EXOC4: variants seen among roughly 807,000 people sequenced by gnomAD.
EXOC4 encodes the protein SEC8-like 1.
Under a neutral mutation model 107.2 loss-of-function variants are expected in EXOC4, and 71 were observed. That is an observed-to-expected ratio of 0.66 (90% CI 0.55 to 0.81). The LOEUF is 0.81. EXOC4 is among the 30% of genes least tolerant of loss of function. The pLI is 0.00. For missense variants in EXOC4, 1,108 were observed against 1,189.6 expected, an observed-to-expected ratio of 0.93 and a Z score of 1.01; for synonymous variants, 456 against 441.2, an observed-to-expected ratio of 1.03 and a Z score of -0.42.
chr7:133,630,200 T>G, intron 10 of EXOC4, 59 bp downstream of exon 10: 8 of 1,315,788 alleles, frequency 6.1e-6, no homozygotes, highest in Non-Finnish European at 8.7e-6. Flanking sequence ...TTTATGCTGG[T>G]CTACTGAATG....
intron 9 of EXOC4, chr7:133,484,157 T>C (rs2150865616): frequency 6.2e-7 from 1 of 1,606,788 alleles, no homozygotes; most frequent in South Asian, 1.1e-5. Flanking sequence ...GAAATGTGAC[T>C]CAGTCTAACA....
chr7:134,008,772 G>A (rs1794702686), intron 17 of EXOC4, among the ~76,000 whole-genome samples: 1 of 149,090 alleles, frequency 6.7e-6, no homozygotes, highest in Non-Finnish European at 1.5e-5. Context: ...GGGACTAAAG[G>A]CGAACACCAC....
intron 1 of EXOC4, among the ~76,000 whole-genome samples, chr7:133,265,198 G>A (rs1793698002): frequency 6.6e-6 from 1 of 152,044 alleles, no homozygotes; most frequent in African/African-American, 2.4e-5. Flanking sequence ...TCGGAGTGAG[G>A]TTCTGAAACT....
chr7:133,278,985 A>G (rs1322565114), intron 2 of EXOC4, among the ~76,000 whole-genome samples: 1 of 151,384 alleles, frequency 6.6e-6, no homozygotes, highest in African/African-American at 2.4e-5. Context: ...CCACCCCACA[A>G]CAGTCCCCAG....
chr7:133,999,984 C>G (rs576832811), intron 15 of EXOC4, among the ~76,000 whole-genome samples: 1 of 152,122 alleles, frequency 6.6e-6, no homozygotes, highest in African/African-American at 2.4e-5. Context: ...AGAAAAATGT[C>G]ATTTTTAAGA....
intron 10 of EXOC4, among the ~76,000 whole-genome samples, chr7:133,719,186 T>G (rs765411684): frequency 2.6e-5 from 4 of 152,188 alleles, no homozygotes; most frequent in Non-Finnish European, 5.9e-5. Context: ...CTGCACAAAC[T>G]TTCTCTCTTT....
Position 133,899,860 on chromosome 7 carries a change from C to T in EXOC4, c.1871+4125C>T, listed in dbSNP as rs550167361. 7.3e-5 allele frequency among the ~76,000 whole-genome samples: 11 copies of T among 151,134 alleles called. No homozygotes were observed. In the South Asian group the frequency reaches 2.1e-3, roughly 29 times the overall value. On this transcript the variant is annotated intron_variant, in intron 12 of 17. Coordinates refer to ENST00000253861, the MANE Select transcript of EXOC4 (RefSeq NM_021807.4). ...TCCCGGGTTCAAGTGATTCTCTTGC[C>T]TCAGCCTCCTGAGTAGCTGGGACTA... is the stretch of plus-strand genomic sequence containing the variant.
chr7:133,738,413 A>C (rs1795493890), intron 10 of EXOC4, among the ~76,000 whole-genome samples: 1 of 152,178 alleles, frequency 6.6e-6, no homozygotes, highest in Non-Finnish European at 1.5e-5. Flanking sequence ...CATGGTGCTT[A>C]CTTAGTGCAA....
intron 10 of EXOC4, among the ~76,000 whole-genome samples, chr7:133,728,158 G>A (rs1795254542): frequency 6.6e-6 from 1 of 152,168 alleles, no homozygotes; most frequent in Admixed American, 6.5e-5. Flanking sequence ...TTTATCATTA[G>A]ACCTTAAAAT....
chr7:133,594,366 A>G (rs1801614843), intron 9 of EXOC4, among the ~76,000 whole-genome samples: 1 of 152,162 alleles, frequency 6.6e-6, no homozygotes, highest in South Asian at 2.1e-4. Flanking sequence ...TTGAGATCCT[A>G]CCATGTGCTA....
intron 9 of EXOC4, among the ~76,000 whole-genome samples, chr7:133,568,484 T>C (rs1800954150): frequency 6.6e-6 from 1 of 152,210 alleles, no homozygotes; most frequent in Non-Finnish European, 1.5e-5. Context: ...ACTTTTATAG[T>C]TTGTTTTACA....
intron 5 of EXOC4, among the ~76,000 whole-genome samples, chr7:133,326,229 C>T (rs1027440616): frequency 1.3e-5 from 2 of 152,228 alleles, no homozygotes; most frequent in Non-Finnish European, 2.9e-5. Context: ...ATTCTCCATC[C>T]AGCTTTGTTC....
intron 9 of EXOC4, among the ~76,000 whole-genome samples, chr7:133,581,537 T>C (rs943014528): frequency 6.6e-6 from 1 of 151,508 alleles, no homozygotes; most frequent in Non-Finnish European, 1.5e-5. Flanking sequence ...GGCGGGCGGA[T>C]CACGAGGTCA....
chr7:133,484,311 T>C (rs905001911), intron 9 of EXOC4: 25 of 705,806 alleles, frequency 3.5e-5, no homozygotes, highest in Non-Finnish European at 4.8e-5. Context: ...TGGGTGCTGC[T>C]TCAAAATGTG....
chr7:133,677,597 C>T (rs1794092204), intron 10 of EXOC4, among the ~76,000 whole-genome samples: 1 of 152,074 alleles, frequency 6.6e-6, no homozygotes, highest in East Asian at 1.9e-4. Context: ...TACATTTCAG[C>T]TTCCTTCTTT....
At chr7:133,983,746 G>A (rs888219691) in intron 14 of EXOC4, among the ~76,000 whole-genome samples, 1 of 151,996 alleles carries the variant, frequency 6.6e-6, no homozygotes, top group African/African-American at 2.4e-5. Context: ...TTAAGTATTG[G>A]TTAACACTTT....
intron 5 of EXOC4, among the ~76,000 whole-genome samples, chr7:133,322,201 T>C (rs1186588473): frequency 6.6e-6 from 1 of 152,222 alleles, no homozygotes; most frequent in Non-Finnish European, 1.5e-5. Flanking sequence ...TTTCTTTTGC[T>C]GTGCAGAAGC....
intron 9 of EXOC4, among the ~76,000 whole-genome samples, chr7:133,567,945 C>T (rs1180610747): frequency 6.6e-6 from 1 of 152,168 alleles, no homozygotes; most frequent in African/African-American, 2.4e-5. Context: ...AGTTATGGTG[C>T]AGATGTTCAA....
chr7:133,996,645 T>A (rs1251078293), intron 14 of EXOC4, among the ~76,000 whole-genome samples: 2 of 152,140 alleles, frequency 1.3e-5, no homozygotes, highest in Non-Finnish European at 2.9e-5. Flanking sequence ...TACAGCACAC[T>A]ACCACTTCCA....
Sources: gnomAD v4.1 joint callset for allele counts (sites outside exome capture counted in the v4.1 genomes callset) on GRCh38, gnomAD v4.1.1 for gene constraint, MANE v1.5 for transcripts, NCBI Gene and HGNC (gene_info 2026-07-23, HGNC 2026-07-21) for gene names.